UGT1A8: variants seen among roughly 807,000 people sequenced by gnomAD.
The protein encoded by UGT1A8 is UDP glucuronosyltransferase family 1 member A8.
In UGT1A8, 39 loss-of-function variants were observed where a neutral mutation model predicts 45.3. The observed-to-expected ratio is 0.86, with a 90% CI of 0.67 to 1.12. The LOEUF (loss-of-function observed/expected upper bound fraction) is 1.12. Ranked by LOEUF, UGT1A8 falls within the 50% of genes most tolerant of loss-of-function variation. The probability of loss-of-function intolerance (pLI) is 0.00; values close to 1 mark genes in which losing one functional copy is unlikely to be tolerated. For synonymous variants in UGT1A8, 275 were observed against 249.2 expected, an observed-to-expected ratio of 1.10 and a Z score of -0.97; for missense variants, 719 against 664.9, an observed-to-expected ratio of 1.08 and a Z score of -0.90.
intron 1 of UGT1A8, among the ~76,000 whole-genome samples, chr2:233,660,716 CCTTA>C (rs958518835): frequency 6.6e-6 from 1 of 152,134 alleles, no homozygotes; most frequent in African/African-American, 2.4e-5. Flanking sequence ...CGCTTCTCTT[CCTTA>C]CTTATAAATG....
rs1343338419 is a variant in UGT1A8, at chr2:233,702,269, GC to G, written c.856-64764del. Among the ~76,000 whole-genome samples the G allele has an allele frequency of 3.3e-5, 5 of 152,172 alleles. No homozygotes were observed. In the South Asian group the frequency reaches 8.3e-4, roughly 25 times the overall value. Reference sequence around the variant, plus strand: ...ATTCCATTCACAAAATACATGAATAGCTTTTTCCCTTTAGCATAAAGAGTTT... The same window carrying G: ...ATTCCATTCACAAAATACATGAATAGTTTTTCCCTTTAGCATAAAGAGTTT... On this transcript the variant is annotated intron_variant, in intron 1 of 4. Transcript: ENST00000373450.
chr2:233,726,185 T>C (rs2077513858), intron 1 of UGT1A8, among the ~76,000 whole-genome samples: 1 of 152,162 alleles, frequency 6.6e-6, no homozygotes, highest in South Asian at 2.1e-4. Flanking sequence ...AAAATTTCTT[T>C]GGCATATGGA....
chr2:233,739,826 A>G (rs989260193), intron 1 of UGT1A8, among the ~76,000 whole-genome samples: 6 of 152,024 alleles, frequency 3.9e-5, no homozygotes, highest in African/African-American at 1.2e-4. Context: ...TTAAATGTGA[A>G]AAGACATGAG....
chr2:233,637,063 GCA>G (rs1559318512), intron 1 of UGT1A8: 1 of 1,613,944 alleles, frequency 6.2e-7, no homozygotes, highest in Admixed American at 1.7e-5. Context: ...TGAAGAAGGT[GCA>G]CAGTGCCCTG....
At position 233,757,541 on chromosome 2, in the gene UGT1A8, T is replaced by TATACATATAC. The variant is rs1229454769; in HGVS notation, c.856-9490_856-9489insCATATACATA. ...CAAAATCTTGCCTGTAAGGAATATA[T>TATACATATAC]ATATATATATATATATATATGTATA... On this transcript the variant is annotated intron_variant, in intron 1 of 4. Transcript: ENST00000373450. Among the ~76,000 whole-genome samples the TATACATATAC allele has an allele frequency of 5.2e-3, 611 of 117,548 alleles. 31 individuals carry two copies. Among genetic ancestry groups the TATACATATAC allele is most frequent in the Admixed American group, 0.029 (361 of 12,346 alleles). The allele number at this position is 117,548 out of a possible 152,430, so 77.1% of individuals were successfully genotyped here.
intron 1 of UGT1A8, among the ~76,000 whole-genome samples, chr2:233,739,789 G>C (rs1409404802): frequency 6.6e-6 from 1 of 152,118 alleles, no homozygotes; most frequent in African/African-American, 2.4e-5. Context: ...AGACTTTGGA[G>C]GACAGTTGGG....
At chr2:233,624,866 A>C (rs1448848722) in intron 1 of UGT1A8, among the ~76,000 whole-genome samples, 2 of 152,036 alleles carry the variant, frequency 1.3e-5, no homozygotes, top group Non-Finnish European at 2.9e-5. Context: ...TTTTTGTCAG[A>C]TATATTCCTA....
At chr2:233,709,424 T>C (rs1189444828) in intron 1 of UGT1A8, among the ~76,000 whole-genome samples, 1 of 152,212 alleles carries the variant, frequency 6.6e-6, no homozygotes. Flanking sequence ...AAGAATGTCC[T>C]CCAGAAAGGA....
At chr2:233,651,339 A>G (rs184928239) in intron 1 of UGT1A8, among the ~76,000 whole-genome samples, 1 of 152,176 alleles carries the variant, frequency 6.6e-6, no homozygotes, top group African/African-American at 2.4e-5. Flanking sequence ...GTGTGATTTT[A>G]TATCACCTAT....
intron 1 of UGT1A8, among the ~76,000 whole-genome samples, chr2:233,653,104 A>T (rs1481738387): frequency 1.3e-5 from 2 of 152,226 alleles, no homozygotes; most frequent in African/African-American, 2.4e-5. Flanking sequence ...CACAGTCCCA[A>T]AAGACCTGAA....
At chr2:233,657,367 TG>T (rs2073877876) in intron 1 of UGT1A8, among the ~76,000 whole-genome samples, 2 of 152,318 alleles carry the variant, frequency 1.3e-5, no homozygotes, top group South Asian at 4.2e-4. Flanking sequence ...TACCAACATC[TG>T]TTTCTGGCAA....
intron 1 of UGT1A8, among the ~76,000 whole-genome samples, chr2:233,680,344 G>A (rs1559338284): frequency 6.6e-6 from 1 of 152,148 alleles, no homozygotes; most frequent in Non-Finnish European, 1.5e-5. Context: ...GGGTATAAAC[G>A]TCATATCACA....
In UGT1A8 at chr2:233,699,439, G is replaced by A. The variant is rs541562244; in HGVS notation, c.856-67595G>A. On this transcript the variant is annotated intron_variant, in intron 1 of 4. Transcript: ENST00000373450. ...TTTCATTATTAGAAGGGTCATTGGA[G>A]TGTTTTCCTTAGAACAAAGGAGGTC... Among the ~76,000 whole-genome samples, 3 of 152,324 alleles carry A rather than the reference G, an allele frequency of 2.0e-5. No homozygotes were observed. In the South Asian group the frequency reaches 6.2e-4, roughly 32 times the overall value.
chr2:233,760,837 A>T (rs1440575421), intron 1 of UGT1A8: 4 of 1,613,664 alleles, frequency 2.5e-6, no homozygotes, highest in Non-Finnish European at 3.4e-6. Flanking sequence ...ATTTGAGGCT[A>T]CCCAGTGCCC....
intron 1 of UGT1A8, chr2:233,743,443 T>A (rs1388678157): frequency 7.3e-7 from 1 of 1,363,152 alleles, no homozygotes; most frequent in Non-Finnish European, 9.8e-7. Context: ...AAATCCTGTA[T>A]CAAAAGAAGA....
chr2:233,745,132 TG>T (rs1669104156), intron 1 of UGT1A8, among the ~76,000 whole-genome samples: 1 of 151,914 alleles, frequency 6.6e-6, no homozygotes, highest in Admixed American at 6.5e-5. Context: ...TCTGCAGATG[TG>T]AAGCCCAAGT....
rs28900406 is a variant in UGT1A8, at chr2:233,772,385, C to T, written c.1419C>T (p.Pro473=). Residue 473 remains proline (P), a synonymous_variant, in exon 5 of 5, where the codon CCC becomes CCT. Transcript: ENST00000373450. ...MRHKGAPHLR[P]AAHDLTWYQY... ...ACAAGGGCGCGCCACACCTGCGCCC[C>T]GCAGCCCACGACCTCACCTGGTACC... The T allele has an allele frequency of 7.5e-4, 1,213 of 1,614,246 alleles. 13 individuals are homozygous for T. The African/African-American group carries it at 0.014, about 19-fold the overall frequency.
intron 1 of UGT1A8, among the ~76,000 whole-genome samples, chr2:233,658,549 C>T (rs888555478): frequency 2.6e-5 from 4 of 152,126 alleles, no homozygotes; most frequent in South Asian, 2.1e-4. Flanking sequence ...TCCTTGTTTT[C>T]GATGACTTTG....
intron 1 of UGT1A8, among the ~76,000 whole-genome samples, chr2:233,704,855 C>A (rs1453613831): frequency 6.6e-6 from 1 of 152,046 alleles, no homozygotes; most frequent in African/African-American, 2.4e-5. Flanking sequence ...AGAATAGGGC[C>A]GGGCACGGTG....
Sources: gnomAD v4.1 joint callset for allele counts (sites outside exome capture counted in the v4.1 genomes callset) on GRCh38, gnomAD v4.1.1 for gene constraint, MANE v1.5 for transcripts, NCBI Gene and HGNC (gene_info 2026-07-23, HGNC 2026-07-21) for gene names.